GPAT3: variants seen among roughly 807,000 people sequenced by gnomAD.
GPAT3 encodes 1-AGP acyltransferase 9.
GPAT3 carries 53 observed loss-of-function variants against 58.8 expected under a neutral mutation model. The observed-to-expected ratio is 0.90, with a 90% CI of 0.72 to 1.13. GPAT3 has a LOEUF of 1.13. Ranked by LOEUF, GPAT3 falls within the 50% of genes most tolerant of loss-of-function variation. The probability of loss-of-function intolerance (pLI) is 0.00; values close to 1 mark genes in which losing one functional copy is unlikely to be tolerated. For missense variants in GPAT3, 511 were observed against 527.6 expected, an observed-to-expected ratio of 0.97 and a Z score of 0.31; for synonymous variants, 197 against 187.4, an observed-to-expected ratio of 1.05 and a Z score of -0.42.
chr4:83,547,005 G>T (rs1560602437), intron 2 of GPAT3, among the ~76,000 whole-genome samples: 2 of 152,008 alleles, frequency 1.3e-5, no homozygotes, highest in Non-Finnish European at 2.9e-5. Flanking sequence ...TAGACAGACT[G>T]ATAGAGGGTG....
chr4:83,564,830 C>G (rs1333708613), intron 2 of GPAT3, among the ~76,000 whole-genome samples: 1 of 152,108 alleles, frequency 6.6e-6, no homozygotes, highest in Non-Finnish European at 1.5e-5. Context: ...TATATATAGT[C>G]TAATTTATCA....
chr4:83,547,466 A>C (rs902512137), intron 2 of GPAT3, among the ~76,000 whole-genome samples: 2 of 151,296 alleles, frequency 1.3e-5, no homozygotes, highest in African/African-American at 2.4e-5. Context: ...GTTAGCCAGG[A>C]TGGTCTCGAT....
intron 2 of GPAT3, among the ~76,000 whole-genome samples, chr4:83,566,469 A>G (rs1016763959): frequency 2.0e-5 from 3 of 148,246 alleles, no homozygotes; most frequent in African/African-American, 7.6e-5. Context: ...ACAGGGTTTC[A>G]CCAGGTTGGC....
chr4:83,595,271 G>T, intron 7 of GPAT3: 1 of 173,380 alleles, frequency 5.8e-6, no homozygotes, highest in Admixed American at 6.2e-5. Context: ...TCTCACTTGA[G>T]TATAAGCAAT....
intron 2 of GPAT3, among the ~76,000 whole-genome samples, chr4:83,565,785 G>A (rs1438895546): frequency 1.3e-5 from 2 of 152,196 alleles, no homozygotes; most frequent in Admixed American, 6.5e-5. Context: ...CCGGAGCGTC[G>A]GAGGCTTGCT....
At chr4:83,569,582 G>A (rs1281129205) in intron 2 of GPAT3, among the ~76,000 whole-genome samples, 1 of 151,820 alleles carries the variant, frequency 6.6e-6, no homozygotes, top group Non-Finnish European at 1.5e-5. Flanking sequence ...TGCTTCTGCC[G>A]TGTAGAGGCC....
At chr4:83,566,607 A>G (rs1035613412) in intron 2 of GPAT3, among the ~76,000 whole-genome samples, 1 of 151,312 alleles carries the variant, frequency 6.6e-6, no homozygotes, top group Non-Finnish European at 1.5e-5. Context: ...TTTCCATATG[A>G]TCTTGAGATT....
intron 3 of GPAT3, among the ~76,000 whole-genome samples, chr4:83,582,076 T>G (rs1337968724): frequency 6.6e-6 from 1 of 152,160 alleles, no homozygotes; most frequent in East Asian, 1.9e-4. Flanking sequence ...CACTTTGCTA[T>G]TAGAGTCTGA....
At chr4:83,584,638 T>G (rs1366569419) in intron 3 of GPAT3, among the ~76,000 whole-genome samples, 1 of 152,222 alleles carries the variant, frequency 6.6e-6, no homozygotes, top group Non-Finnish European at 1.5e-5. Context: ...CTCGAGTAGC[T>G]GGAATTACAG....
chr4:83,585,007 T>A (rs1726325390), intron 3 of GPAT3, among the ~76,000 whole-genome samples: 1 of 152,220 alleles, frequency 6.6e-6, no homozygotes, highest in Non-Finnish European at 1.5e-5. Flanking sequence ...TTGTTAAACA[T>A]GTTAAAATGA....
intron 2 of GPAT3, among the ~76,000 whole-genome samples, chr4:83,557,203 G>T (rs1724972557): frequency 6.6e-6 from 1 of 152,170 alleles, no homozygotes; most frequent in African/African-American, 2.4e-5. Context: ...GATGCTAGCA[G>T]AAAATTACTC....
chr4:83,585,311 G>A (rs1192256874), intron 3 of GPAT3, among the ~76,000 whole-genome samples: 1 of 149,648 alleles, frequency 6.7e-6, no homozygotes, highest in African/African-American at 2.4e-5. Flanking sequence ...AATATATCAT[G>A]TTATTAAGTT....
chr4:83,570,626 C>A (rs1414119804), intron 2 of GPAT3, among the ~76,000 whole-genome samples: 1 of 152,034 alleles, frequency 6.6e-6, no homozygotes, highest in Non-Finnish European at 1.5e-5. Context: ...ATGTGCACCA[C>A]CATGCCTGGC....
intron 2 of GPAT3, among the ~76,000 whole-genome samples, chr4:83,570,649 T>G (rs1725570997): frequency 6.6e-6 from 1 of 152,076 alleles, no homozygotes; most frequent in Admixed American, 6.6e-5. Flanking sequence ...ATTTTCATAT[T>G]TTTAGTGGAG....
chr4:83,590,408 C>G (rs1726552551), intron 6 of GPAT3, 116 bp downstream of exon 6: 1 of 825,060 alleles, frequency 1.2e-6, no homozygotes, highest in Admixed American at 2.5e-5. Flanking sequence ...CTGCGTTATA[C>G]TATTGTAGCT....
chr4:83,544,088 AG>A (rs1218852809), intron 1 of GPAT3, among the ~76,000 whole-genome samples: 1 of 152,190 alleles, frequency 6.6e-6, no homozygotes, highest in Non-Finnish European at 1.5e-5. Flanking sequence ...CCCTACGTTT[AG>A]GCCCTTACAT....
At chr4:83,571,813 T>G (rs1725621660) in intron 2 of GPAT3, among the ~76,000 whole-genome samples, 1 of 151,736 alleles carries the variant, frequency 6.6e-6, no homozygotes, top group Non-Finnish European at 1.5e-5. Context: ...CCCTCTTTTA[T>G]CCAGGCTGGA....
intron 8 of GPAT3, 92 bp downstream of exon 8, chr4:83,597,005 T>C (rs1726869615): frequency 2.6e-6 from 3 of 1,155,624 alleles, no homozygotes; most frequent in Non-Finnish European, 2.5e-6. Flanking sequence ...TTGGCAACCT[T>C]AGCCCAGATC....
chr4:83,598,677 G>C lies in GPAT3; in HGVS notation c.1159G>C (p.Val387Leu), dbSNP rs776292132. The change falls in exon 11 of 12, where the codon GTT becomes CTT. Residue 387 changes from valine to leucine, a missense_variant. By Grantham distance (32) the Val-to-Leu change is conservative. Transcript: ENST00000264409. Reference sequence around the variant, plus strand: ...AGATGCAGTCCAGTTTGCTAACAGGGTTAAGTCTGCTATTGCTATACAAGG... The same window carrying C: ...AGATGCAGTCCAGTTTGCTAACAGGCTTAAGTCTGCTATTGCTATACAAGG... Reference protein sequence around the residue: ...GEDAVQFANRVKSAIAIQGGL... With the variant: ...GEDAVQFANRLKSAIAIQGGL... The C allele has an allele frequency of 2.6e-6, 4 of 1,549,610 alleles. No individual in the cohort carries two copies. Among genetic ancestry groups the C allele is most frequent in the Non-Finnish European group, 3.5e-6 (4 of 1,142,710 alleles).
Sources: gnomAD v4.1 joint callset for allele counts (sites outside exome capture counted in the v4.1 genomes callset) on GRCh38, gnomAD v4.1.1 for gene constraint, MANE v1.5 for transcripts, NCBI Gene and HGNC (gene_info 2026-07-23, HGNC 2026-07-21) for gene names.